PUM1: variants seen among roughly 807,000 people sequenced by gnomAD.
PUM1 encodes the protein pumilio homolog 1.
In PUM1, 13 loss-of-function variants were observed where a neutral mutation model predicts 131.8. The ratio of observed to expected loss-of-function variants is 0.10; its 90% confidence interval spans 0.06 to 0.16. The LOEUF is 0.16. Among genes scored for constraint, PUM1 ranks in the 10% least tolerant of loss-of-function variants. The probability of loss-of-function intolerance (pLI) is 1.00; values close to 1 mark genes in which losing one functional copy is unlikely to be tolerated. For missense variants in PUM1, 961 were observed against 1,512.4 expected, an observed-to-expected ratio of 0.64 and a Z score of 6.05; for synonymous variants, 509 against 556.5, an observed-to-expected ratio of 0.91 and a Z score of 1.20.
At chr1:31,049,916 G>A (rs554664917) in intron 2 of PUM1, among the ~76,000 whole-genome samples, 48 of 128,366 alleles carry the variant, frequency 3.7e-4, no homozygotes, top group African/African-American at 1.3e-3. Context: ...TGCAATCTCC[G>A]CCTCCCAGGT....
chr1:31,005,557 G>C (rs1009320299), intron 5 of PUM1, among the ~76,000 whole-genome samples: 1 of 151,820 alleles, frequency 6.6e-6, no homozygotes, highest in Non-Finnish European at 1.5e-5. Context: ...AGTAAAAATG[G>C]TGTTTTCTGA....
intron 17 of PUM1, among the ~76,000 whole-genome samples, chr1:30,947,783 T>C (rs554563775): frequency 6.6e-6 from 1 of 151,988 alleles, no homozygotes; most frequent in East Asian, 1.9e-4. Flanking sequence ...TAAGATATCA[T>C]CTAATTAAAT....
chr1:31,049,958 T>C (rs1413804253), intron 2 of PUM1, among the ~76,000 whole-genome samples: 1 of 151,200 alleles, frequency 6.6e-6, no homozygotes, highest in African/African-American at 2.4e-5. Flanking sequence ...GCCTCCCAAG[T>C]AGCTGGGACC....
chr1:30,980,240 T>C (rs1247029895), intron 8 of PUM1, 77 bp from the exon 9 acceptor site: 4 of 1,121,216 alleles, frequency 3.6e-6, no homozygotes, highest in African/African-American at 3.1e-5. Flanking sequence ...ACAGTTTCGC[T>C]ATTCACTCCA....
Position 30,964,811 on chromosome 1 carries a change from T to C in PUM1, c.2186A>G (p.His729Arg). The C allele has an allele frequency of 1.2e-6, 2 of 1,614,070 alleles. No homozygotes were observed. Among genetic ancestry groups the C allele is most frequent in the Non-Finnish European group, 1.7e-6 (2 of 1,180,006 alleles). ...AAAGCTAAGGCCGTTATAAAAACTG[T>C]GTCCAATGGGGGTCAAGCTGCTCGA... ...RTSSSLTPIGHSFYNGLSFSS... is the reference protein window; with the variant it reads ...RTSSSLTPIGRSFYNGLSFSS... The change falls in exon 14 of 22, where the codon CAC becomes CGC. Residue 729 changes from histidine to arginine, a missense_variant. His to Arg is a conservative substitution (Grantham distance 29). This residue lies in a region of PUM1 where 654 missense variants were observed against 923.9 expected (regional missense o/e 0.71). Transcript: ENST00000426105.
At chr1:31,024,936 G>A (rs1436311273) in intron 3 of PUM1, among the ~76,000 whole-genome samples, 2 of 152,170 alleles carry the variant, frequency 1.3e-5, no homozygotes, top group East Asian at 3.9e-4. Context: ...TAGAATCATC[G>A]ATTAGCAGAC....
At chr1:30,939,780 C>G (rs1262770664) in intron 20 of PUM1, among the ~76,000 whole-genome samples, 1 of 152,144 alleles carries the variant, frequency 6.6e-6, no homozygotes, top group Non-Finnish European at 1.5e-5. Context: ...ACTGCTTGAG[C>G]CCAGGAATCC....
intron 13 of PUM1, 47 bp downstream of exon 13, chr1:30,965,935 A>C (rs1267545932): frequency 6.5e-7 from 1 of 1,540,880 alleles, no homozygotes; most frequent in Non-Finnish European, 8.8e-7. Flanking sequence ...AAGGATTGTA[A>C]AAATAATTAA....
At chr1:31,028,726 A>C (rs181687705) in intron 3 of PUM1, 70 bp downstream of exon 3, 1 of 1,228,808 alleles carries the variant, frequency 8.1e-7, no homozygotes, top group African/African-American at 1.5e-5. Flanking sequence ...ATTTGGACAC[A>C]TTTGATGAAA....
Position 31,007,009 on chromosome 1 carries a change from C to T in PUM1, c.526G>A (p.Ala176Thr), listed in dbSNP as rs1447807075. Residue 176 changes from alanine (A) to threonine (T), a missense_variant, in exon 4 of 22, where the codon GCC (alanine) becomes ACC (threonine). Ala to Thr is a moderately conservative substitution (Grantham distance 58). This residue lies in a region of PUM1 where 654 missense variants were observed against 923.9 expected (regional missense o/e 0.71). Coordinates refer to ENST00000426105, the MANE Select transcript of PUM1 (RefSeq NM_001020658.2). ...TCTAGATTACCTGATGTTCCCCAGG[C>T]ACTGTCTCGCCATTGATCACCCAGG... ...IFLGDQWRDS[A>T]WGTSDHSVSQ... is the part of the protein sequence containing the mutation. 1.2e-6 allele frequency: 2 copies of T among 1,613,460 alleles called. No homozygotes were observed.
intron 10 of PUM1, among the ~76,000 whole-genome samples, chr1:30,969,333 A>AAG (rs1553146870): frequency 5.0e-5 from 4 of 79,754 alleles, no homozygotes; most frequent in African/African-American, 3.9e-5. Flanking sequence ...AAAAAAAAAA[A>AAG]AAAGAAAAAA....
Position 30,941,146 on chromosome 1 carries a change from C to A in PUM1, c.3242+5G>T, listed in dbSNP as rs780937682. ...GAAATAGTCCTTGTAACTCAAAGCACGTACCTTGCAAATTTGTGCTGACTC... is the reference window on the plus strand; with the variant it reads ...GAAATAGTCCTTGTAACTCAAAGCAAGTACCTTGCAAATTTGTGCTGACTC... On this transcript the variant is annotated splice_donor_5th_base_variant and intron_variant, in intron 20 of 21. Transcript: ENST00000426105. The A allele has an allele frequency of 1.2e-6, 2 of 1,612,276 alleles. No homozygotes were observed. The highest frequency in any genetic ancestry group is 1.7e-6 in the Non-Finnish European group (2 of 1,178,984).
At chr1:31,011,480 T>G (rs899015333) in intron 3 of PUM1, among the ~76,000 whole-genome samples, 1 of 152,216 alleles carries the variant, frequency 6.6e-6, no homozygotes, top group Non-Finnish European at 1.5e-5. Context: ...ATCACTTATA[T>G]TCAACAGTCA....
chr1:31,058,677 T>A (rs568699575), intron 2 of PUM1, among the ~76,000 whole-genome samples: 77 of 106,028 alleles, frequency 7.3e-4, no homozygotes, highest in East Asian at 5.7e-3. Flanking sequence ...AAAAAAAAAA[T>A]GCATTCTATA....
chr1:31,023,589 A>T (rs1643112693), intron 3 of PUM1, among the ~76,000 whole-genome samples: 2 of 152,192 alleles, frequency 1.3e-5, no homozygotes, highest in African/African-American at 4.8e-5. Flanking sequence ...ACTCTGATGG[A>T]CACTTCAGTG....
At chr1:30,968,644 A>G in intron 10 of PUM1, 152 bp from the exon 11 acceptor site, 1 of 712,116 alleles carries the variant, frequency 1.4e-6, no homozygotes, top group Middle Eastern at 3.5e-4. Context: ...TATAAATTCA[A>G]TTAATAACAT....
At chr1:30,986,206 C>T (rs951293845) in intron 7 of PUM1, among the ~76,000 whole-genome samples, 2 of 152,264 alleles carry the variant, frequency 1.3e-5, no homozygotes, top group African/African-American at 4.8e-5. Flanking sequence ...CTGCCAGCCT[C>T]AGCCTCCCAA....
intron 2 of PUM1, among the ~76,000 whole-genome samples, chr1:31,058,018 T>A (rs1199697788): frequency 2.0e-5 from 3 of 152,146 alleles, no homozygotes; most frequent in African/African-American, 2.4e-5. Flanking sequence ...AAGGCTAACC[T>A]CTCTTCTCAG....
chr1:31,008,559 G>A (rs1034130456), intron 3 of PUM1, among the ~76,000 whole-genome samples: 2 of 152,086 alleles, frequency 1.3e-5, no homozygotes, highest in Non-Finnish European at 2.9e-5. Context: ...AGCCCCGATC[G>A]AGGGTAGCAT....
Sources: gnomAD v4.1 joint callset for allele counts (sites outside exome capture counted in the v4.1 genomes callset) on GRCh38, gnomAD v4.1.1 for gene constraint, gnomAD v4.1.1 regional missense constraint, MANE v1.5 for transcripts, NCBI Gene and HGNC (gene_info 2026-07-23, HGNC 2026-07-21) for gene names.